Variants in CNTN4 observed in about 807,000 individuals in gnomAD.
CNTN4 encodes contactin-4.
In CNTN4, 77 loss-of-function variants were observed where a neutral mutation model predicts 122.5. The observed-to-expected ratio is 0.63, with a 90% CI of 0.52 to 0.76. The LOEUF is 0.76. Ranked by LOEUF, CNTN4 falls within the 30% of genes least tolerant of loss-of-function variation. CNTN4 has a pLI of 0.00. For synonymous variants in CNTN4, 512 were observed against 447.0 expected (o/e 1.15, Z -1.83); for missense variants, 1,256 against 1,259.1 (o/e 1.00, Z 0.04).
At chr3:2,661,053 C>A (rs967537678) in intron 4 of CNTN4, among the ~76,000 whole-genome samples, 1 of 152,138 alleles carries the variant, frequency 6.6e-6, no homozygotes, top group Admixed American at 6.5e-5. Flanking sequence ...AGTTAAGGAG[C>A]GGAGGTAAAG....
intron 23 of CNTN4, among the ~76,000 whole-genome samples, chr3:3,053,384 C>T (rs1383461013): frequency 1.3e-5 from 2 of 152,152 alleles, no homozygotes; most frequent in Non-Finnish European, 2.9e-5. Flanking sequence ...TATTATTGTC[C>T]CCCTTTTACA....
intron 5 of CNTN4, among the ~76,000 whole-genome samples, chr3:2,740,108 A>T (rs182707798): frequency 6.6e-6 from 1 of 152,226 alleles, no homozygotes; most frequent in Admixed American, 6.5e-5. Flanking sequence ...TGTAATCCCA[A>T]CACTTTGGGA....
intron 4 of CNTN4, among the ~76,000 whole-genome samples, chr3:2,582,975 G>T (rs1019255355): frequency 1.3e-5 from 2 of 150,536 alleles, no homozygotes; most frequent in Admixed American, 6.6e-5. Context: ...GATTTAAAAC[G>T]TATGAATGCA....
At position 2,364,082 on chromosome 3, in the gene CNTN4, C is replaced by T. The variant is rs559854546; in HGVS notation, c.-89+24849C>T. ...AGTGCTATAATATTTCAATATGACT[C>T]CTTAACCTTGTCTAGTTGGGGGCTT... On this transcript the variant is annotated intron_variant, in intron 3 of 24. Transcript: ENST00000418658. Among the ~76,000 whole-genome samples, 7 of 152,076 alleles carry T rather than the reference C, an allele frequency of 4.6e-5. No homozygotes were observed. In the East Asian group the frequency reaches 7.8e-4, roughly 17 times the overall value.
intron 13 of CNTN4, among the ~76,000 whole-genome samples, chr3:2,937,370 G>T (rs1209111204): frequency 2.0e-5 from 3 of 152,144 alleles, no homozygotes; most frequent in Admixed American, 2.0e-4. Flanking sequence ...AGCTTTAAAT[G>T]TGAAGACACA....
intron 4 of CNTN4, among the ~76,000 whole-genome samples, chr3:2,576,297 G>A (rs1458845727): frequency 6.6e-6 from 1 of 152,120 alleles, no homozygotes; most frequent in African/African-American, 2.4e-5. Flanking sequence ...GAATGCTGCA[G>A]CCTGGCCAGT....
chr3:2,784,175 G>A (rs67263427), intron 6 of CNTN4, among the ~76,000 whole-genome samples: 14,971 of 152,176 alleles, frequency 0.098, 790 homozygotes, highest in East Asian at 0.2. Flanking sequence ...AAACTCAAAC[G>A]TGTGTGGGGA....
At chr3:2,330,052 A>G (rs1259045753) in intron 2 of CNTN4, among the ~76,000 whole-genome samples, 3 of 152,124 alleles carry the variant, frequency 2.0e-5, no homozygotes, top group Non-Finnish European at 4.4e-5. Context: ...CCAGTCCTAA[A>G]TCGGGCTCCC....
At chr3:2,503,725 G>A (rs947656083) in intron 3 of CNTN4, among the ~76,000 whole-genome samples, 6 of 152,026 alleles carry the variant, frequency 3.9e-5, no homozygotes, top group Non-Finnish European at 8.8e-5. Context: ...GGATGAGGAA[G>A]CATTACAGGC....
intron 6 of CNTN4, among the ~76,000 whole-genome samples, chr3:2,814,979 T>C (rs1227138151): frequency 6.6e-6 from 1 of 152,200 alleles, no homozygotes; most frequent in Non-Finnish European, 1.5e-5. Flanking sequence ...ATCCATAATG[T>C]ATATTCCGTC....
Position 2,144,927 on chromosome 3 carries a change from T to G in CNTN4, c.-145+44288T>G, listed in dbSNP as rs1239289131. The stretch of plus-strand genomic sequence containing the variant: ...AACAGGAATACACGAGCAGGGAAGA[T>G]CAGATCAGTTACCACAATAAGGGTT... On this transcript the variant is annotated intron_variant, in intron 2 of 24. Transcript: ENST00000418658. 2.6e-5 allele frequency among the ~76,000 whole-genome samples: 4 copies of G among 152,260 alleles called. No homozygotes were observed. In the East Asian group the frequency reaches 5.8e-4, roughly 22 times the overall value.
intron 2 of CNTN4, among the ~76,000 whole-genome samples, chr3:2,182,650 A>G (rs1160685967): frequency 6.6e-6 from 1 of 152,140 alleles, no homozygotes; most frequent in Non-Finnish European, 1.5e-5. Flanking sequence ...CAATTAGTCA[A>G]AATGCCATGG....
At chr3:2,530,480 T>C (rs1436379440) in intron 3 of CNTN4, among the ~76,000 whole-genome samples, 3 of 151,986 alleles carry the variant, frequency 2.0e-5, no homozygotes, top group Non-Finnish European at 2.9e-5. Flanking sequence ...AGCTAATTTT[T>C]GTATTTTTAG....
intron 2 of CNTN4, among the ~76,000 whole-genome samples, chr3:2,227,348 G>A (rs2039325161): frequency 1.3e-5 from 2 of 152,124 alleles, no homozygotes; most frequent in Admixed American, 6.5e-5. Flanking sequence ...TGCCAAGAGA[G>A]CAAGTAATAT....
chr3:2,193,422 A>C (rs559764867), intron 2 of CNTN4, among the ~76,000 whole-genome samples: 4 of 152,164 alleles, frequency 2.6e-5, no homozygotes, highest in Non-Finnish European at 5.9e-5. Flanking sequence ...CATCAACTTT[A>C]TTCTTCAAAA....
chr3:2,969,527 T>TGA (rs1424472825), intron 13 of CNTN4, among the ~76,000 whole-genome samples: 7 of 151,878 alleles, frequency 4.6e-5, no homozygotes, highest in African/African-American at 1.7e-4. Flanking sequence ...ATTATTATTA[T>TGA]TATTATTATT....
rs2675296 is a variant in CNTN4, at chr3:2,709,069, T to C, written c.56-27146T>C. 0.49 allele frequency among the ~76,000 whole-genome samples: 74,352 copies of C among 151,858 alleles called. 20,417 individuals carry two copies. The highest frequency in any genetic ancestry group is 0.74 in the African/African-American group (30,709 of 41,382). On this transcript the variant is annotated intron_variant, in intron 4 of 24. Coordinates refer to ENST00000418658, the MANE Select transcript of CNTN4 (RefSeq NM_175607.3). The surrounding 1 kb of genome is among the most constrained non-coding windows in gnomAD (Gnocchi z 5.0). ...GATATCTCATAGACCATCCCCCCTC[T>C]GCTGCCACTGAATTTCATTTAGACC...
At chr3:2,233,527 A>G (rs2039567795) in intron 2 of CNTN4, among the ~76,000 whole-genome samples, 1 of 152,144 alleles carries the variant, frequency 6.6e-6, no homozygotes, top group Non-Finnish European at 1.5e-5. Flanking sequence ...TTAATTTAGG[A>G]ATAATAGTAT....
At chr3:2,242,472 G>A (rs1210833669) in intron 2 of CNTN4, among the ~76,000 whole-genome samples, 4 of 152,126 alleles carry the variant, frequency 2.6e-5, no homozygotes, top group African/African-American at 9.7e-5. Context: ...GGGTACATAT[G>A]CAGGATGTGC....
Sources: gnomAD v4.1 joint callset for allele counts (sites outside exome capture counted in the v4.1 genomes callset) on GRCh38, gnomAD v4.1.1 for gene constraint, Gnocchi (gnomAD v3.1) non-coding constraint, MANE v1.5 for transcripts, NCBI Gene and HGNC (gene_info 2026-07-23, HGNC 2026-07-21) for gene names.